Variants in CCDC17 observed in about 807,000 individuals in gnomAD.
The protein encoded by CCDC17 is coiled-coil domain-containing protein 17.
A neutral mutation model predicts 68.0 loss-of-function variants in CCDC17; 79 were observed. The observed-to-expected ratio is 1.16, with a 90% CI of 0.97 to 1.40. The LOEUF (loss-of-function observed/expected upper bound fraction) is 1.40, where lower values mean the gene tolerates loss of function less well. Among genes scored for constraint, CCDC17 ranks in the 40% most tolerant of loss-of-function variants. The pLI, the probability that CCDC17 is intolerant of heterozygous loss-of-function variation, is 0.00. For synonymous variants in CCDC17, 376 were observed against 337.5 expected, an observed-to-expected ratio of 1.11 and a Z score of -1.25; for missense variants, 846 against 811.5, an observed-to-expected ratio of 1.04 and a Z score of -0.52.
At position 45,620,132 on chromosome 1, in the gene CCDC17, C is replaced by G; in HGVS notation, c.*143G>C. The G allele has an allele frequency of 1.2e-6, 1 of 813,596 alleles. No individual in the cohort carries two copies. The highest frequency in any genetic ancestry group is 1.8e-6 in the Non-Finnish European group (1 of 545,272). 50.4% of individuals were successfully genotyped at this position (813,596 alleles called of 1,614,324 possible). A position where few individuals can be genotyped will look rare whatever the true frequency, so the allele number is the denominator to read the frequency against. On this transcript the variant is annotated 3_prime_UTR_variant, in exon 13 of 13. Coordinates refer to ENST00000528266, the MANE Select transcript of CCDC17 (RefSeq NM_001114938.3). The stretch of plus-strand genomic sequence containing the variant: ...AAGGACTTAACGGGAGGTGGTAAAG[C>G]TGTGGTTGGAACTGGTTTTCTGTAC...
intron 12 of CCDC17, 133 bp from the exon 13 acceptor site, chr1:45,620,566 A>G (rs1569646995): frequency 1.4e-6 from 2 of 1,472,096 alleles, no homozygotes; most frequent in South Asian, 1.4e-5. Flanking sequence ...TGATTTCCTT[A>G]TCTGTTACAT....
In CCDC17 at chr1:45,622,655, C is replaced by T; in HGVS notation, c.753G>A (p.Glu251=). The part of the protein sequence containing the change: ...TLAAEIRALR[E]AYIRDGGRDP... ...CCCGGCCCCCGTCTCGAATGTAGGC[C>T]TCCCGCAGCGCCCTAGGGAGTGGGG... is the stretch of plus-strand genomic sequence containing the variant. Residue 251 remains glutamate (E), a synonymous_variant, in exon 6 of 13, where the codon GAG becomes GAA. Coordinates refer to ENST00000528266, the MANE Select transcript of CCDC17 (RefSeq NM_001114938.3). 6.4e-7 allele frequency: 1 copy of T among 1,555,040 alleles called. No individual in the cohort carries two copies. The highest frequency in any genetic ancestry group is 8.7e-7 in the Non-Finnish European group (1 of 1,149,086).
chr1:45,622,631 C>A lies in CCDC17; in HGVS notation c.777G>T (p.Arg259=). ...ATATCTGGCCCAGCACGCCGGGGTC[C>A]CGGCCCCCGTCTCGAATGTAGGCCT... ...LREAYIRDGG[R]DPGVLGQIWQ... is the part of the protein sequence containing the mutation. The change falls in exon 6 of 13, where the codon CGG becomes CGT. Residue 259 remains arginine, a synonymous_variant. Coordinates refer to ENST00000528266, the MANE Select transcript of CCDC17 (RefSeq NM_001114938.3). 1 of 1,556,700 alleles carries A rather than the reference C, an allele frequency of 6.4e-7. No homozygotes were observed. The highest frequency in any genetic ancestry group is 2.4e-5 in the East Asian group (1 of 41,180).
In CCDC17 at chr1:45,623,910, G is replaced by A. The variant is rs778079920; in HGVS notation, c.-1C>T. 6.6e-6 allele frequency: 10 copies of A among 1,508,956 alleles called. No individual in the cohort carries two copies. In the South Asian group the frequency reaches 1.2e-4, roughly 18 times the overall value. 93.5% of individuals were successfully genotyped at this position (1,508,956 alleles called of 1,614,324 possible). On this transcript the variant is annotated 5_prime_UTR_variant, in exon 1 of 13. Transcript: ENST00000528266. ...CAGGCTCCCCAGAGTGGGAGTCCAT[G>A]GGATGGGACCCGTTTCCTGAAACCA... is the stretch of plus-strand genomic sequence containing the variant.
At chr1:45,623,534 T>A in intron 2 of CCDC17, 23 bp downstream of exon 2, 3 of 1,548,392 alleles carry the variant, frequency 1.9e-6, no homozygotes, top group Middle Eastern at 1.7e-4. Context: ...TTTTGAGCCC[T>A]GGGGGAAGGT....
chr1:45,620,900 C>T lies in CCDC17; in HGVS notation c.1599+3G>A, dbSNP rs1424613088. 3 of 1,613,244 alleles carry T rather than the reference C, an allele frequency of 1.9e-6. No homozygotes were observed. Among genetic ancestry groups the T allele is most frequent in the Non-Finnish European group, 2.5e-6 (3 of 1,179,674 alleles). On this transcript the variant is annotated splice_donor_region_variant and intron_variant, in intron 11 of 12. Coordinates refer to ENST00000528266, the MANE Select transcript of CCDC17 (RefSeq NM_001114938.3). ...ATGCCCAATCCCTGCGCACCACACT[C>T]ACCTGAGGAATCCCATTCAGCTGCC... is the stretch of plus-strand genomic sequence containing the variant.
rs756600901 is a variant in CCDC17, at chr1:45,621,046, T to G, written c.1456A>C (p.Arg486=). 53 of 1,613,902 alleles carry G rather than the reference T, an allele frequency of 3.3e-5. No homozygotes were observed. The highest frequency in any genetic ancestry group is 4.2e-5 in the Non-Finnish European group (50 of 1,179,894). Residue 486 remains arginine (R), a synonymous_variant, in exon 11 of 13, where the codon AGG becomes CGG. Coordinates refer to ENST00000528266, the MANE Select transcript of CCDC17 (RefSeq NM_001114938.3). The part of the protein sequence containing the change: ...LQVWQGLAWA[R]APQPKAWVSL... ...ACCCAAGCCTTTGGCTGTGGTGCCC[T>G]AGCCCATGCTAGCCCCTGCCAGACC...
chr1:45,622,818 G>T lies in CCDC17; in HGVS notation c.673C>A (p.Arg225=). The T allele has an allele frequency of 6.3e-7, 1 of 1,598,934 alleles. No homozygotes were observed. The highest frequency in any genetic ancestry group is 2.3e-5 in the East Asian group (1 of 44,248). ...GGAGAATAAAGTTCTGCCTCTCGCC[G>T]GGAGCTCAGCGGGTTCCTGGGGTGG... ...QAEPGNPLSS[R]REAELYSPVQ... is the part of the protein sequence containing the mutation. Residue 225 remains arginine, a synonymous_variant, in exon 5 of 13, where the codon CGG becomes AGG. Coordinates refer to ENST00000528266, the MANE Select transcript of CCDC17 (RefSeq NM_001114938.3).
Position 45,623,614 on chromosome 1 carries a change from G to A in CCDC17, c.213C>T (p.Pro71=). 1 of 1,551,258 alleles carries A rather than the reference G, an allele frequency of 6.4e-7. No individual in the cohort carries two copies. The highest frequency in any genetic ancestry group is 8.7e-7 in the Non-Finnish European group (1 of 1,146,890). The change falls in exon 2 of 13, where the codon CCC becomes CCT. Residue 71 remains proline (P), a synonymous_variant. Transcript: ENST00000528266. ...PQEHQGVPQE[P]QGLPDQQASR... ...TGGCCTGCTGGTCTGGGAGGCCCTG[G>A]GGTTCTTGTGGCACGCCCTGGTGTT...
Position 45,623,972 on chromosome 1 carries a change from G to T in CCDC17, c.-63C>A. 1 of 1,170,954 alleles carries T rather than the reference G, an allele frequency of 8.5e-7. No homozygotes were observed. Among genetic ancestry groups the T allele is most frequent in the South Asian group, 1.6e-5 (1 of 61,760 alleles). The allele number at this position is 1,170,954 out of a possible 1,614,324, so 72.5% of individuals were successfully genotyped here. Reference sequence around the variant, plus strand: ...CAGAAGGGATCAAGGGCAGGGGAAAGGCAGAGGAGGATGAAAGAGACATAA... The same window carrying T: ...CAGAAGGGATCAAGGGCAGGGGAAATGCAGAGGAGGATGAAAGAGACATAA... On this transcript the variant is annotated 5_prime_UTR_variant, in exon 1 of 13. Coordinates refer to ENST00000528266, the MANE Select transcript of CCDC17 (RefSeq NM_001114938.3).
intron 2 of CCDC17, 35 bp from the exon 3 acceptor site, chr1:45,623,474 G>A: frequency 6.5e-7 from 1 of 1,549,468 alleles, no homozygotes. Context: ...CTCTGCGTGG[G>A]CAGAATCTGT....
Position 45,620,090 on chromosome 1 carries a change from A to G in CCDC17, c.*185T>C, listed in dbSNP as rs1055237576. On this transcript the variant is annotated 3_prime_UTR_variant, in exon 13 of 13. Transcript: ENST00000528266. ...CCTTAATCTGTTTTACAAAAACAGA[A>G]GAGGTACAGAAAAGTTAAGGACTTA... is the stretch of plus-strand genomic sequence containing the variant. 5.4e-6 allele frequency: 3 copies of G among 551,634 alleles called. No homozygotes were observed. Among genetic ancestry groups the G allele is most frequent in the South Asian group, 5.5e-5 (2 of 36,668 alleles). The allele number at this position is 551,634 out of a possible 1,614,324, so 34.2% of individuals were successfully genotyped here. A position where few individuals can be genotyped will look rare whatever the true frequency, so the allele number is the denominator to read the frequency against.
Position 45,622,352 on chromosome 1 carries a change from C to A in CCDC17, c.860-4G>T, listed in dbSNP as rs372639902. ...CCTGAGGTGGCACCTGCCCTTCCTG[C>A]GATGAACAAGTGTGACCTGTCACCT... On this transcript the variant is annotated splice_polypyrimidine_tract_variant and splice_region_variant and intron_variant, in intron 6 of 12. Transcript: ENST00000528266. 6.2e-7 allele frequency: 1 copy of A among 1,603,094 alleles called. No individual in the cohort carries two copies. The highest frequency in any genetic ancestry group is 2.2e-5 in the East Asian group (1 of 44,760).
At chr1:45,622,456 C>T (rs1644301114) in intron 6 of CCDC17, 93 bp downstream of exon 6, 1 of 1,469,700 alleles carries the variant, frequency 6.8e-7, no homozygotes, top group African/African-American at 1.4e-5. Flanking sequence ...CTGGACTTGT[C>T]AGCTCACATG....
Position 45,621,387 on chromosome 1 carries a change from T to C in CCDC17, c.1282A>G (p.Thr428Ala). 6.3e-7 allele frequency: 1 copy of C among 1,595,250 alleles called. No homozygotes were observed. Among genetic ancestry groups the C allele is most frequent in the Non-Finnish European group, 8.5e-7 (1 of 1,171,436 alleles). Residue 428 changes from threonine (T) to alanine (A), a missense_variant, in exon 10 of 13, where the codon ACA becomes GCA. By Grantham distance (58) the Thr-to-Ala change is moderately conservative. Transcript: ENST00000528266. Reference protein sequence around the residue: ...RTGLARDGRDTGRTTALPPAL... With the variant: ...RTGLARDGRDAGRTTALPPAL... The stretch of plus-strand genomic sequence containing the variant: ...GGGGGCAACGCTGTGGTCCTTCCTG[T>C]ATCCCGTCCATCGCGTGCCAAGCCA...
chr1:45,621,230 A>G, intron 10 of CCDC17, 51 bp downstream of exon 10: 1 of 1,542,922 alleles, frequency 6.5e-7, no homozygotes, highest in Non-Finnish European at 8.8e-7. Context: ...AGAATGGTGG[A>G]TAAGCCTCAA....
Position 45,622,765 on chromosome 1 carries a change from CAG to C in CCDC17, c.724_725del (p.Leu242GlyfsTer60). 6.3e-7 allele frequency: 1 copy of C among 1,595,960 alleles called. No individual in the cohort carries two copies. Among genetic ancestry groups the C allele is most frequent in the Non-Finnish European group, 8.5e-7 (1 of 1,171,348 alleles). ...CCGGCTCTCACCGGATTTCGGCAGC[CAG>C]AGTTCCCGGGTTGGCCTTTTGCACT... ...SPVQKANPGT[L>X]AAEIRALREA... On this transcript the variant is annotated frameshift_variant, in exon 5 of 13. Coordinates refer to ENST00000528266, the MANE Select transcript of CCDC17 (RefSeq NM_001114938.3). LOFTEE classifies it high-confidence loss of function.
intron 12 of CCDC17, 129 bp downstream of exon 12, chr1:45,620,594 A>G (rs1644215000): frequency 4.7e-6 from 7 of 1,501,900 alleles, no homozygotes; most frequent in Non-Finnish European, 6.2e-6. Context: ...CTTCATAGAG[A>G]TGTGAGGATC....
intron 1 of CCDC17, 42 bp from the exon 2 acceptor site, chr1:45,623,694 T>C: frequency 2.6e-6 from 4 of 1,551,560 alleles, no homozygotes; most frequent in Non-Finnish European, 3.5e-6. Context: ...ATAAAGGTCC[T>C]GGCTCCTTTG....
Sources: allele counts gnomAD v4.1 joint callset, GRCh38; gene constraint gnomAD v4.1.1; transcripts MANE v1.5; gene names NCBI Gene and HGNC (gene_info 2026-07-23, HGNC 2026-07-21).